Variants in ATP2A1 observed in about 807,000 individuals in gnomAD.
The protein encoded by ATP2A1 is sarcoplasmic/endoplasmic reticulum calcium ATPase 1.
ATP2A1 carries 83 observed loss-of-function variants against 109.5 expected under a neutral mutation model. The observed-to-expected ratio is 0.76, with a 90% CI of 0.63 to 0.91. The LOEUF (loss-of-function observed/expected upper bound fraction) is 0.91, where lower values mean the gene tolerates loss of function less well. ATP2A1 is among the 40% of genes least tolerant of loss of function. The pLI is 0.00. For missense variants in ATP2A1, 1,101 were observed against 1,341.0 expected (o/e 0.82, Z 2.80); for synonymous variants, 505 against 537.6 (o/e 0.94, Z 0.84).
At position 28,898,058 on chromosome 16, in the gene ATP2A1, C is replaced by G; in HGVS notation, c.1478C>G (p.Ser493Cys). ...FTLEFSRDRKSMSVYCSPAKS... is the reference protein window; with the variant it reads ...FTLEFSRDRKCMSVYCSPAKS... ...CTGGAGTTCTCCCGAGACAGAAAGT[C>G]CATGTCTGTCTATTGCTCCCCAGCC... Residue 493 changes from serine to cysteine, a missense_variant, in exon 13 of 23, where the codon TCC (serine) becomes TGC (cysteine). Ser to Cys is a moderately radical substitution (Grantham distance 112). Transcript: ENST00000395503. This position sits in a 1 kb window ranked among gnomAD's most constrained non-coding sequence, Gnocchi z 4.0. The G allele has an allele frequency of 6.2e-7, 1 of 1,614,132 alleles. No homozygotes were observed. The highest frequency in any genetic ancestry group is 8.5e-7 in the Non-Finnish European group (1 of 1,179,960).
In ATP2A1 at chr16:28,904,239, G is replaced by C. The variant is rs758849104; in HGVS notation, c.*97G>C. Reference sequence around the variant, plus strand: ...TTGCTCTGTCCTCCCCACCCCGATAGTGACACATCTTCAGGCAGAGCTGTG... The same window carrying C: ...TTGCTCTGTCCTCCCCACCCCGATACTGACACATCTTCAGGCAGAGCTGTG... On this transcript the variant is annotated 3_prime_UTR_variant, in exon 23 of 23. Transcript: ENST00000395503. 3 of 1,613,582 alleles carry C rather than the reference G, an allele frequency of 1.9e-6. No individual in the cohort carries two copies. Among genetic ancestry groups the C allele is most frequent in the Non-Finnish European group, 2.5e-6 (3 of 1,179,810 alleles).
chr16:28,891,508 GCTTGAAC>G lies in ATP2A1; in HGVS notation c.1095+2558_1095+2564del, dbSNP rs572806780. 1.2e-4 allele frequency among the ~76,000 whole-genome samples: 18 copies of G among 146,016 alleles called. No individual in the cohort carries two copies. The East Asian group carries it at 3.3e-3, about 27-fold the overall frequency. ...CTTGGGAGGCTGAGGCAGGAGAATT[GCTTGAAC>G]CTGGAAGGCAGAGGCGGTGAGCTGA... is the stretch of plus-strand genomic sequence containing the variant. On this transcript the variant is annotated intron_variant, in intron 9 of 22. Transcript: ENST00000395503.
chr16:28,898,287 C>A lies in ATP2A1; in HGVS notation c.1600C>A (p.Arg534=). The change falls in exon 14 of 23, where the codon CGG becomes AGG. Residue 534 remains arginine, a synonymous_variant. Coordinates refer to ENST00000395503, the MANE Select transcript of ATP2A1 (RefSeq NM_004320.6). The surrounding 1 kb of genome is among the most constrained non-coding windows in gnomAD (Gnocchi z 4.0). The part of the protein sequence containing the change: ...RCNYVRVGTT[R]VPLTGPVKEK... ...TAACTATGTGCGAGTTGGCACCACC[C>A]GGGTGCCACTGACGGGGCCGGTGAA... 2 of 1,614,210 alleles carry A rather than the reference C, an allele frequency of 1.2e-6. No homozygotes were observed. The highest frequency in any genetic ancestry group is 1.7e-6 in the Non-Finnish European group (2 of 1,180,044).
intron 8 of ATP2A1, among the ~76,000 whole-genome samples, chr16:28,888,091 G>A (rs192459411): frequency 1.0e-3 from 157 of 149,546 alleles, no homozygotes; most frequent in South Asian, 3.0e-3. Flanking sequence ...GTGAGCCACC[G>A]CACCCGGCCT....
At chr16:28,893,985 G>A (rs1035366472) in intron 9 of ATP2A1, among the ~76,000 whole-genome samples, 170 bp from the exon 10 acceptor site, 1 of 152,134 alleles carries the variant, frequency 6.6e-6, no homozygotes, top group African/African-American at 2.4e-5. Flanking sequence ...GAGAATGATT[G>A]CAACAGCTTG....
intron 22 of ATP2A1, 58 bp from the exon 23 acceptor site, chr16:28,904,122 G>C: frequency 6.8e-7 from 1 of 1,480,156 alleles, no homozygotes. Flanking sequence ...AGATGCACCT[G>C]GGAGGGACCT....
At position 28,894,982 on chromosome 16, in the gene ATP2A1, C is replaced by T. The variant is rs373875947; in HGVS notation, c.1419+29C>T. 2.4e-5 allele frequency: 39 copies of T among 1,608,590 alleles called. 2 individuals are homozygous for T. In the South Asian group the frequency reaches 4.2e-4, roughly 17 times the overall value. On this transcript the variant is annotated intron_variant, in intron 12 of 22. Coordinates refer to ENST00000395503, the MANE Select transcript of ATP2A1 (RefSeq NM_004320.6). Reference sequence around the variant, plus strand: ...AGCCTGCGGAGCCCCTGCCACAGGGCCGTCTCCACTCTATGCTGCATAGAC... The same window carrying T: ...AGCCTGCGGAGCCCCTGCCACAGGGTCGTCTCCACTCTATGCTGCATAGAC...
chr16:28,900,470 CCTCCCCACCACTTCCTGACCTTT>C, intron 14 of ATP2A1, 88 bp from the exon 15 acceptor site: 8 of 913,884 alleles, frequency 8.8e-6, no homozygotes, highest in Admixed American at 3.1e-5. Context: ...GCTTCCCACC[CCTCCCCACCACTTCCTGACCTTT>C]CACCCCATCC....
chr16:28,898,243 A>C lies in ATP2A1; in HGVS notation c.1556A>C (p.Glu519Ala). The C allele has an allele frequency of 1.2e-6, 2 of 1,614,188 alleles. No homozygotes were observed. ...GNKMFVKGAP[E>A]GVIDRCNYVR... ...GTTCTGGTCTCCTAGGGTGCCCCTG[A>C]GGGCGTCATCGACCGCTGTAACTAT... Residue 519 changes from glutamate to alanine, a missense_variant, in exon 14 of 23, where the codon GAG (glutamate) becomes GCG (alanine). Physicochemically the swap from Glu to Ala is moderately radical, Grantham distance 107. Transcript: ENST00000395503. This position sits in a 1 kb window ranked among gnomAD's most constrained non-coding sequence, Gnocchi z 4.0.
At chr16:28,879,006 T>C (rs745534425) in intron 1 of ATP2A1, 93 bp from the exon 2 acceptor site, 79 of 1,546,678 alleles carry the variant, frequency 5.1e-5, no homozygotes, top group Non-Finnish European at 7.0e-5. Flanking sequence ...AACCTCAAGG[T>C]GGCCTGATTC....
In ATP2A1 at chr16:28,904,237, T is replaced by C; in HGVS notation, c.*95T>C. The C allele has an allele frequency of 4.3e-6, 7 of 1,613,556 alleles. No homozygotes were observed. The highest frequency in any genetic ancestry group is 3.3e-5 in the South Asian group (3 of 91,068). ...TTTTGCTCTGTCCTCCCCACCCCGA[T>C]AGTGACACATCTTCAGGCAGAGCTG... On this transcript the variant is annotated 3_prime_UTR_variant, in exon 23 of 23. Coordinates refer to ENST00000395503, the MANE Select transcript of ATP2A1 (RefSeq NM_004320.6).
Position 28,880,185 on chromosome 16 carries a change from A to T in ATP2A1, c.219+602A>T, listed in dbSNP as rs965259928. On this transcript the variant is annotated intron_variant, in intron 3 of 22. Coordinates refer to ENST00000395503, the MANE Select transcript of ATP2A1 (RefSeq NM_004320.6). The surrounding 1 kb of genome is among the most constrained non-coding windows in gnomAD (Gnocchi z 4.2). ...CTAGGCACCCCCACCCCCGCAGGGC[A>T]TCTCCAGGGCTCTGCCTCCTCTCCC... 2 of 948,860 alleles carry T rather than the reference A, an allele frequency of 2.1e-6. No individual in the cohort carries two copies. Among genetic ancestry groups the T allele is most frequent in the Admixed American group, 5.9e-5 (1 of 16,922 alleles). 58.8% of individuals were successfully genotyped at this position (948,860 alleles called of 1,614,324 possible).
At position 28,901,884 on chromosome 16, in the gene ATP2A1, G is replaced by A. The variant is rs1203742133; in HGVS notation, c.2122G>A (p.Ala708Thr). Residue 708 changes from alanine (A) to threonine (T), a missense_variant, in exon 16 of 23, where the codon GCC becomes ACC. Physicochemically the swap from Ala to Thr is moderately conservative, Grantham distance 58. Coordinates refer to ENST00000395503, the MANE Select transcript of ATP2A1 (RefSeq NM_004320.6). Reference sequence around the variant, plus strand: ...TCAGACAGGTGATGGCGTCAATGACGCCCCTGCCCTGAAGAAGGCTGAGAT... The same window carrying A: ...TCAGACAGGTGATGGCGTCAATGACACCCCTGCCCTGAAGAAGGCTGAGAT... Reference protein sequence around the residue: ...TAMTGDGVNDAPALKKAEIGI... With the variant: ...TAMTGDGVNDTPALKKAEIGI... The A allele has an allele frequency of 3.7e-6, 6 of 1,613,938 alleles. No homozygotes were observed. Among genetic ancestry groups the A allele is most frequent in the Non-Finnish European group, 5.1e-6 (6 of 1,179,978 alleles).
rs925205568 is a variant in ATP2A1 at position 28,882,445 on chromosome 16, C to G, written c.325-6C>G. 5 of 1,614,036 alleles carry G rather than the reference C, an allele frequency of 3.1e-6. No individual in the cohort carries two copies. Among genetic ancestry groups the G allele is most frequent in the African/African-American group, 1.3e-5 (1 of 74,922 alleles). On this transcript the variant is annotated splice_polypyrimidine_tract_variant and splice_region_variant and intron_variant, in intron 4 of 22. Transcript: ENST00000395503. ...TAACCCTGCCTCCTCCACCCTGTCT[C>G]CTCAGGAGCGGAACGCAGAGAACGC...
chr16:28,887,326 G>A (rs755385844), intron 7 of ATP2A1, 52 bp downstream of exon 7: 3 of 1,612,834 alleles, frequency 1.9e-6, no homozygotes, highest in Non-Finnish European at 2.5e-6. Context: ...AGGTGCCCGG[G>A]TTGGAGAGAA....
intron 6 of ATP2A1, among the ~76,000 whole-genome samples, chr16:28,886,279 A>G (rs574927775): frequency 3.0e-4 from 45 of 152,038 alleles, no homozygotes; most frequent in Non-Finnish European, 4.0e-4. Context: ...TGAGGCTGCA[A>G]TGAGCTATGA....
chr16:28,879,125 C>A lies in ATP2A1; in HGVS notation c.136+9C>A. ...GCTCCCTGCTGAGGAAGGTAAGTTA[C>A]TGGAATCCCTGAACTCTCATAAATG... On this transcript the variant is annotated intron_variant, in intron 2 of 22. Transcript: ENST00000395503. 3.7e-6 allele frequency: 6 copies of A among 1,614,084 alleles called. No homozygotes were observed. The highest frequency in any genetic ancestry group is 5.1e-6 in the Non-Finnish European group (6 of 1,179,980).
At chr16:28,890,528 G>A (rs547737739) in intron 9 of ATP2A1, among the ~76,000 whole-genome samples, 136 of 151,434 alleles carry the variant, frequency 9.0e-4, no homozygotes, top group Admixed American at 2.3e-3. Context: ...GGTGGCTCAC[G>A]CCTGTAATCC....
rs1410348656 is a variant in ATP2A1 at position 28,903,088 on chromosome 16, G to C, written c.2803G>C (p.Gly935Arg). ...ACCCTGGGTGAACATCTGGCTGCTG[G>C]GCTCCATCTGCCTCTCCATGTCCCT... Reference protein sequence around the residue: ...MPPWVNIWLLGSICLSMSLHF... With the variant: ...MPPWVNIWLLRSICLSMSLHF... The change falls in exon 20 of 23, where the codon GGC (glycine) becomes CGC (arginine). Residue 935 changes from glycine to arginine, a missense_variant. Gly to Arg is a moderately radical substitution (Grantham distance 125). Transcript: ENST00000395503. The surrounding 1 kb of genome is among the most constrained non-coding windows in gnomAD (Gnocchi z 5.6). 1 of 1,613,762 alleles carries C rather than the reference G, an allele frequency of 6.2e-7. No homozygotes were observed. Among genetic ancestry groups the C allele is most frequent in the South Asian group, 1.1e-5 (1 of 91,074 alleles).
Sources: gnomAD v4.1 joint callset for allele counts (sites outside exome capture counted in the v4.1 genomes callset) on GRCh38, gnomAD v4.1.1 for gene constraint, Gnocchi (gnomAD v3.1) non-coding constraint, MANE v1.5 for transcripts, NCBI Gene and HGNC (gene_info 2026-07-23, HGNC 2026-07-21) for gene names.